Variants in FTCD observed in about 807,000 individuals in gnomAD.
The protein encoded by FTCD is formimidoyltransferase-cyclodeaminase.
Under a neutral mutation model 62.9 loss-of-function variants are expected in FTCD, and 76 were observed. The ratio of observed to expected loss-of-function variants is 1.21; its 90% confidence interval spans 1.00 to 1.46. The LOEUF is 1.46. Among genes scored for constraint, FTCD ranks in the 40% most tolerant of loss-of-function variants. FTCD has a pLI of 0.00. For synonymous variants in FTCD, 397 were observed against 336.9 expected, an observed-to-expected ratio of 1.18 and a Z score of -1.95; for missense variants, 845 against 751.3, an observed-to-expected ratio of 1.12 and a Z score of -1.46.
chr21:46,153,733 T>C (rs1351913087), intron 2 of FTCD, among the ~76,000 whole-genome samples: 1 of 152,248 alleles, frequency 6.6e-6, no homozygotes, highest in Non-Finnish European at 1.5e-5. Context: ...CCTTTGGCCC[T>C]GCCTGCCCAC....
chr21:46,139,046 C>A, intron 10 of FTCD, 123 bp from the exon 11 acceptor site: 1 of 787,222 alleles, frequency 1.3e-6, no homozygotes, highest in Admixed American at 1.9e-5. Flanking sequence ...CTCTGGGAAC[C>A]AAGCTTCTGT....
In FTCD at chr21:46,154,166, T is replaced by C; in HGVS notation, c.221A>G (p.Asp74Gly). 2 of 1,612,770 alleles carry C rather than the reference T, an allele frequency of 1.2e-6. No individual in the cohort carries two copies. Among genetic ancestry groups the C allele is most frequent in the Non-Finnish European group, 8.5e-7 (1 of 1,179,958 alleles). ...GACCTCACCTTGGTGCCTGCTCATG[T>C]CGATAAGTCGGGAAGCTACCCGGGC... ...NAARVASRLI[D>G]MSRHQGEHPR... Residue 74 changes from aspartate (D) to glycine (G), a missense_variant, in exon 2 of 14, where the codon GAC becomes GGC. Asp to Gly is a moderately conservative substitution (Grantham distance 94). Transcript: ENST00000397746.
intron 10 of FTCD, chr21:46,142,150 A>T (rs898503310): frequency 1.3e-5 from 2 of 152,196 alleles, no homozygotes; most frequent in African/African-American, 4.8e-5. Context: ...CAGCGTCTAC[A>T]CCTCCCTGCA....
At chr21:46,141,367 A>C (rs1326960757) in intron 10 of FTCD, among the ~76,000 whole-genome samples, 1 of 151,974 alleles carries the variant, frequency 6.6e-6, no homozygotes, top group East Asian at 1.9e-4. Flanking sequence ...GGCTGGTTTC[A>C]AACACCTGAG....
intron 12 of FTCD, among the ~76,000 whole-genome samples, chr21:46,137,741 C>T (rs188132258): frequency 2.8e-4 from 43 of 152,238 alleles, no homozygotes; most frequent in Middle Eastern, 3.4e-3. Context: ...AAAGAGGCGT[C>T]TTTCCTATAA....
rs377059261 is a variant in FTCD, at chr21:46,138,976, T to C, written c.1261-53A>G. ...CGAGGGACCGTAGGGGGAGCAGCCA[T>C]GCCCTCTGAGCTCCCACAAGGGGCT... On this transcript the variant is annotated intron_variant, in intron 10 of 13. Coordinates refer to ENST00000397746, the MANE Select transcript of FTCD (RefSeq NM_206965.2). 9.6e-5 allele frequency: 135 copies of C among 1,401,332 alleles called. No homozygotes were observed. The African/African-American group carries it at 1.7e-3, about 18-fold the overall frequency. The allele number at this position is 1,401,332 out of a possible 1,614,324, so 86.8% of individuals were successfully genotyped here.
chr21:46,149,371 G>T (rs2079215117), intron 7 of FTCD, among the ~76,000 whole-genome samples: 1 of 152,152 alleles, frequency 6.6e-6, no homozygotes, highest in Non-Finnish European at 1.5e-5. Context: ...AAATAACTGG[G>T]TCAGCGATCT....
In FTCD at chr21:46,136,798, T is replaced by C. The variant is rs762614356; in HGVS notation, c.*189A>G. ...CACAGGTTTGGTGCCAAAACTTTAC[T>C]GGAGGTCACATGGGACTAGGGGCCT... On this transcript the variant is annotated 3_prime_UTR_variant, in exon 14 of 14. Coordinates refer to ENST00000397746, the MANE Select transcript of FTCD (RefSeq NM_206965.2). 3.7e-5 allele frequency: 56 copies of C among 1,530,234 alleles called. No individual in the cohort carries two copies. In the South Asian group the frequency reaches 6.3e-4, roughly 17 times the overall value. The allele number at this position is 1,530,234 out of a possible 1,614,324, so 94.8% of individuals were successfully genotyped here. A position where few individuals can be genotyped will look rare whatever the true frequency, so the allele number is the denominator to read the frequency against.
intron 6 of FTCD, 43 bp from the exon 7 acceptor site, chr21:46,150,293 A>G: frequency 6.2e-7 from 1 of 1,608,844 alleles, no homozygotes; most frequent in Middle Eastern, 1.7e-4. Context: ...GGCTGGCTGG[A>G]GAATGGCCCT....
chr21:46,151,901 G>A lies in FTCD; in HGVS notation c.447C>T (p.Leu149=), dbSNP rs781639875. 1.0e-4 allele frequency: 163 copies of A among 1,563,212 alleles called. No homozygotes were observed. Among genetic ancestry groups the A allele is most frequent in the Non-Finnish European group, 1.4e-4 (160 of 1,154,400 alleles). ...CCCGGGGTGGGGGCACCTTCTTAGGGAGGGCCTCGTACTCCCCGGCCCGGA... is the reference window on the plus strand; with the variant it reads ...CCCGGGGTGGGGGCACCTTCTTAGGAAGGGCCTCGTACTCCCCGGCCCGGA... The part of the protein sequence containing the change: ...PAIRAGEYEA[L]PKKLQQADWA... The change falls in exon 4 of 14, where the codon CTC becomes CTT. Residue 149 remains leucine (L), a synonymous_variant. Transcript: ENST00000397746.
intron 7 of FTCD, 124 bp from the exon 8 acceptor site, chr21:46,146,451 G>T: frequency 1.4e-6 from 1 of 730,868 alleles, no homozygotes; most frequent in Non-Finnish European, 2.5e-6. Flanking sequence ...GTGCTTTTGC[G>T]GGGAGCAGGG....
chr21:46,144,784 A>G (rs999810879), intron 10 of FTCD, among the ~76,000 whole-genome samples: 28 of 140,742 alleles, frequency 2.0e-4, no homozygotes, highest in Non-Finnish European at 3.1e-4. Context: ...CTGGGCTGGA[A>G]CTGCTTGGGA....
chr21:46,139,808 G>A (rs1320178352), intron 10 of FTCD, among the ~76,000 whole-genome samples: 2 of 152,156 alleles, frequency 1.3e-5, no homozygotes, highest in Admixed American at 1.3e-4. Flanking sequence ...TCTGCACAAG[G>A]GTCTGTAGCA....
At chr21:46,139,104 G>C in intron 10 of FTCD, 181 bp from the exon 11 acceptor site, 1 of 638,722 alleles carries the variant, frequency 1.6e-6, no homozygotes, top group Non-Finnish European at 2.8e-6. Flanking sequence ...TGGAGGAGCA[G>C]GGTAGGGGGG....
downstream of FTCD, chr21:46,136,705 T>C: frequency 6.8e-7 from 1 of 1,470,000 alleles, no homozygotes; most frequent in South Asian, 1.4e-5. Context: ...ACTGACCATA[T>C]GTCCTGCTCC....
intron 9 of FTCD, 68 bp from the exon 10 acceptor site, chr21:46,145,646 C>T: frequency 7.6e-7 from 1 of 1,312,280 alleles, no homozygotes; most frequent in South Asian, 1.4e-5. Context: ...CAGGAAGAGC[C>T]AGGGGCCCGG....
rs373812622 is a variant in FTCD, at chr21:46,153,028, G to A, written c.246C>T (p.His82=). ...LIDMSRHQGE[H]PRMGALDVCP... is the part of the protein sequence containing the mutation. ...AGACGTCTAGGGCCCCCATGCGGGG[G>A]TGCTCTCCTGCAGAGAGACGGCGAG... Residue 82 remains histidine (H), a synonymous_variant, in exon 3 of 14, where the codon CAC becomes CAT. Coordinates refer to ENST00000397746, the MANE Select transcript of FTCD (RefSeq NM_206965.2). The A allele has an allele frequency of 2.6e-6, 4 of 1,548,878 alleles. No homozygotes were observed. The highest frequency in any genetic ancestry group is 2.4e-5 in the East Asian group (1 of 40,912).
At chr21:46,152,711 C>T in intron 3 of FTCD, 196 bp downstream of exon 3, 7 of 552,160 alleles carry the variant, frequency 1.3e-5, no homozygotes, top group South Asian at 5.5e-5. Flanking sequence ...CTGAGGAGGC[C>T]CCGGGCCTGC....
At position 46,149,813 on chromosome 21, in the gene FTCD, TGGAGGTGGTGAGA is replaced by T. The variant is rs563692614; in HGVS notation, c.906+293_906+305del. 3.3e-3 allele frequency among the ~76,000 whole-genome samples: 506 copies of T among 152,230 alleles called. 3 individuals are homozygous for T. The highest frequency in any genetic ancestry group is 0.011 in the African/African-American group (465 of 41,530). On this transcript the variant is annotated intron_variant, in intron 7 of 13. Transcript: ENST00000397746. ...GTTCCAGGGGTGCAGGACGCCCCGA[TGGAGGTGGTGAGA>T]GGAGGCACAGGCCCCTCCACGGGAG... is the stretch of plus-strand genomic sequence containing the variant.
Sources: allele counts gnomAD v4.1 joint callset (sites outside exome capture counted in the v4.1 genomes callset), GRCh38; gene constraint gnomAD v4.1.1; transcripts MANE v1.5; gene names NCBI Gene and HGNC (gene_info 2026-07-23, HGNC 2026-07-21).